SPDL1: variants seen among roughly 807,000 people sequenced by gnomAD.
SPDL1 encodes the protein spindle apparatus coiled-coil protein 1, also known as protein Spindly.
In SPDL1, 85 loss-of-function variants were observed where a neutral mutation model predicts 79.5. That is an observed-to-expected ratio of 1.07 (90% CI 0.90 to 1.28). SPDL1 has a LOEUF of 1.28. Among genes scored for constraint, SPDL1 ranks in the 50% most tolerant of loss-of-function variants. The pLI is 0.00. For synonymous variants in SPDL1, 269 were observed against 240.3 expected (o/e 1.12, Z -1.10); for missense variants, 703 against 697.8 (o/e 1.01, Z -0.08).
At position 169,598,955 on chromosome 5, in the gene SPDL1, CT is replaced by C; in HGVS notation, c.1137-11del. ...GCTGTCTTAATACTCGTTGGTTCTC[CT>C]TTTTTATTATCATAGCAAAGAAATT... On this transcript the variant is annotated splice_polypyrimidine_tract_variant and intron_variant, in intron 9 of 11. Coordinates refer to ENST00000265295, the MANE Select transcript of SPDL1 (RefSeq NM_017785.5). 6.6e-7 allele frequency: 1 copy of C among 1,516,234 alleles called. No individual in the cohort carries two copies. The highest frequency in any genetic ancestry group is 2.3e-5 in the Admixed American group (1 of 44,442). 93.9% of individuals were successfully genotyped at this position (1,516,234 alleles called of 1,614,324 possible).
rs755293260 is a variant in SPDL1 at position 169,604,292 on chromosome 5, CCTT to C, written c.*88_*90del. 3.9e-6 allele frequency: 5 copies of C among 1,279,950 alleles called. No homozygotes were observed. Among genetic ancestry groups the C allele is most frequent in the Admixed American group, 5.4e-5 (2 of 37,150 alleles). 79.3% of individuals were successfully genotyped at this position (1,279,950 alleles called of 1,614,324 possible). A position where few individuals can be genotyped will look rare whatever the true frequency, so the allele number is the denominator to read the frequency against. On this transcript the variant is annotated 3_prime_UTR_variant, in exon 12 of 12. Coordinates refer to ENST00000265295, the MANE Select transcript of SPDL1 (RefSeq NM_017785.5). ...GATTGTCTTGATCTGACATATATCA[CCTT>C]CTGGGTTATTTACTCATTGTGCCAG...
intron 1 of SPDL1, chr5:169,586,056 A>G (rs1754971644): frequency 6.6e-6 from 1 of 152,260 alleles, no homozygotes; most frequent in Non-Finnish European, 1.5e-5. Flanking sequence ...CATCTTAAAA[A>G]TAAAAAAACT....
intron 2 of SPDL1, among the ~76,000 whole-genome samples, chr5:169,590,190 A>G (rs1755203745): frequency 6.6e-6 from 1 of 152,258 alleles, no homozygotes; most frequent in South Asian, 2.1e-4. Context: ...CATTGTAAAT[A>G]TGGCAGGTAA....
chr5:169,588,398 C>A lies in SPDL1; in HGVS notation c.-19C>A, dbSNP rs773708726. 2 of 1,584,662 alleles carry A rather than the reference C, an allele frequency of 1.3e-6. No homozygotes were observed. Among genetic ancestry groups the A allele is most frequent in the South Asian group, 1.2e-5 (1 of 85,520 alleles). ...TTTTATTTCCTCTATTTACAGTTGG[C>A]TAAAAAAAAGAAAAGAACATGGAGG... On this transcript the variant is annotated 5_prime_UTR_variant, in exon 2 of 12. Transcript: ENST00000265295.
intron 3 of SPDL1, among the ~76,000 whole-genome samples, chr5:169,591,524 C>T (rs1755287447): frequency 6.6e-6 from 1 of 152,190 alleles, no homozygotes. Flanking sequence ...CAGCCCCTTG[C>T]AGAAAGCCTC....
intron 11 of SPDL1, 129 bp from the exon 12 acceptor site, chr5:169,603,931 T>TA: frequency 1.1e-6 from 1 of 914,386 alleles, no homozygotes; most frequent in Non-Finnish European, 1.7e-6. Context: ...ATTCTTACAG[T>TA]ATTAGAGTCA....
intron 8 of SPDL1, among the ~76,000 whole-genome samples, 157 bp from the exon 9 acceptor site, chr5:169,598,315 ATTAT>A (rs1755697647): frequency 6.6e-6 from 1 of 152,232 alleles, no homozygotes; most frequent in Admixed American, 6.5e-5. Context: ...AGGAATGTTA[ATTAT>A]TTACCTACTT....
chr5:169,585,247 G>T (rs555602123), intron 1 of SPDL1, among the ~76,000 whole-genome samples: 1 of 151,562 alleles, frequency 6.6e-6, no homozygotes, highest in African/African-American at 2.4e-5. Context: ...GGCTCAGGTA[G>T]CATACATCTG....
At position 169,598,512 on chromosome 5, in the gene SPDL1, G is replaced by C; in HGVS notation, c.1069G>C (p.Asp357His). The C allele has an allele frequency of 6.2e-7, 1 of 1,613,018 alleles. No homozygotes were observed. ...CAGTATGGAATCTAAGCCTTCAGTC[G>C]ACTCTGGTACTCTGGAAGATAACAC... ...YDSMESKPSVDSGTLEDNTYY... is the reference protein window; with the variant it reads ...YDSMESKPSVHSGTLEDNTYY... Residue 357 changes from aspartate to histidine, a missense_variant, in exon 9 of 12, where the codon GAC (aspartate) becomes CAC (histidine). Physicochemically the swap from Asp to His is moderately conservative, Grantham distance 81. Transcript: ENST00000265295.
At chr5:169,591,332 A>T (rs569187763) in intron 3 of SPDL1, 108 bp downstream of exon 3, 1 of 1,096,852 alleles carries the variant, frequency 9.1e-7, no homozygotes, top group African/African-American at 1.6e-5. Context: ...AAAATAGCCA[A>T]GATCTAAGTC....
chr5:169,600,624 C>G (rs1326641532), intron 10 of SPDL1, among the ~76,000 whole-genome samples: 3 of 152,078 alleles, frequency 2.0e-5, no homozygotes, highest in Admixed American at 2.0e-4. Context: ...GTGTTTATGA[C>G]CTGTTTAGAT....
intron 7 of SPDL1, 45 bp from the exon 8 acceptor site, chr5:169,596,512 ATCTT>A: frequency 6.6e-7 from 1 of 1,507,258 alleles, no homozygotes; most frequent in Non-Finnish European, 9.1e-7. Flanking sequence ...AGTTATCAGA[ATCTT>A]TCTCTCACTT....
intron 1 of SPDL1, among the ~76,000 whole-genome samples, chr5:169,586,880 A>G (rs1012549407): frequency 6.6e-6 from 1 of 152,070 alleles, no homozygotes; most frequent in East Asian, 1.9e-4. Flanking sequence ...CAGATCCTCT[A>G]CTCCAGACTT....
intron 8 of SPDL1, 95 bp downstream of exon 8, chr5:169,596,796 C>CTCCCACAAGATATTTA: frequency 9.6e-7 from 1 of 1,045,564 alleles, no homozygotes; most frequent in Non-Finnish European, 1.4e-6. Context: ...TAATAAATAT[C>CTCCCACAAGATATTTA]TTGTGGGAGA....
At chr5:169,593,222 G>T (rs1755390955) in intron 3 of SPDL1, 132 bp from the exon 4 acceptor site, 4 of 715,728 alleles carry the variant, frequency 5.6e-6, no homozygotes, top group Non-Finnish European at 9.0e-6. Flanking sequence ...GTTAAAAGAT[G>T]CCTAACCTTG....
intron 2 of SPDL1, 149 bp from the exon 3 acceptor site, chr5:169,590,899 A>G (rs1240039784): frequency 1.3e-6 from 1 of 758,250 alleles, no homozygotes; most frequent in Non-Finnish European, 2.3e-6. Context: ...GATTAACTAC[A>G]AAGTTATTCC....
chr5:169,604,037 A>T (rs764977029), intron 11 of SPDL1, 23 bp from the exon 12 acceptor site: 3 of 1,593,496 alleles, frequency 1.9e-6, no homozygotes, highest in South Asian at 1.1e-5. Flanking sequence ...TTGAATTCAG[A>T]GTGGATGCTT....
intron 1 of SPDL1, chr5:169,585,951 G>A (rs1183028731): frequency 1.3e-5 from 2 of 151,992 alleles, no homozygotes; most frequent in Non-Finnish European, 2.9e-5. Context: ...GTTTATTCAG[G>A]GACATCACTA....
chr5:169,596,651 G>A lies in SPDL1; in HGVS notation c.982G>A (p.Gly328Ser), dbSNP rs1265765516. The change falls in exon 8 of 12, where the codon GGT (glycine) becomes AGT (serine). Residue 328 changes from glycine to serine, a missense_variant. Physicochemically the swap from Gly to Ser is moderately conservative, Grantham distance 56 (BLOSUM62 0). Coordinates refer to ENST00000265295, the MANE Select transcript of SPDL1 (RefSeq NM_017785.5). ...GCTTGCCATGTTGGAGCAGAAGAAT[G>A]GTGAAATAAAACATCTTTTAGGTGA... ...RLLAMLEQKNGEIKHLLGEIR... is the reference protein window; with the variant it reads ...RLLAMLEQKNSEIKHLLGEIR... 1.2e-5 allele frequency: 19 copies of A among 1,604,496 alleles called. No individual in the cohort carries two copies. The highest frequency in any genetic ancestry group is 1.5e-5 in the Non-Finnish European group (18 of 1,177,174).
Sources: allele counts gnomAD v4.1 joint callset (sites outside exome capture counted in the v4.1 genomes callset), GRCh38; gene constraint gnomAD v4.1.1; transcripts MANE v1.5; gene names NCBI Gene and HGNC (gene_info 2026-07-23, HGNC 2026-07-21).